SEC14L1: variants seen among roughly 807,000 people sequenced by gnomAD.
SEC14L1 encodes SEC14-like protein 1.
Under a neutral mutation model 85.3 loss-of-function variants are expected in SEC14L1, and 48 were observed. That is an observed-to-expected ratio of 0.56 (90% CI 0.45 to 0.72). SEC14L1 has a LOEUF of 0.72. SEC14L1 is among the 30% of genes least tolerant of loss of function. SEC14L1 has a pLI of 0.00. For missense variants in SEC14L1, 682 were observed against 921.4 expected (o/e 0.74, Z 3.36); for synonymous variants, 391 against 355.5 (o/e 1.10, Z -1.12).
intron 3 of SEC14L1, among the ~76,000 whole-genome samples, chr17:77,161,602 C>T (rs1242667759): frequency 6.6e-6 from 1 of 151,508 alleles, no homozygotes; most frequent in Non-Finnish European, 1.5e-5. Flanking sequence ...ACACGTTTCT[C>T]TTTTAAAAGG....
chr17:77,192,195 G>A (rs534940245), intron 5 of SEC14L1, among the ~76,000 whole-genome samples: 26 of 152,290 alleles, frequency 1.7e-4, no homozygotes, highest in African/African-American at 3.6e-4. Flanking sequence ...GAATAGTGCC[G>A]AGAGTGTTTG....
chr17:77,204,740 T>G (rs1344725704), intron 10 of SEC14L1, among the ~76,000 whole-genome samples: 1 of 151,980 alleles, frequency 6.6e-6, no homozygotes, highest in African/African-American at 2.4e-5. Flanking sequence ...CCCTTGTGTA[T>G]TGTGTTAGTC....
At chr17:77,171,889 C>G (rs1567908185) in intron 3 of SEC14L1, among the ~76,000 whole-genome samples, 1 of 152,034 alleles carries the variant, frequency 6.6e-6, no homozygotes, top group East Asian at 1.9e-4. Flanking sequence ...TATCCTTTAT[C>G]TAGGGTAGTG....
rs1455407654 is a variant in SEC14L1, at chr17:77,130,378, G to A, written c.-135-12268G>A. Among the ~76,000 whole-genome samples, 5 of 150,834 alleles carry A rather than the reference G, an allele frequency of 3.3e-5. No homozygotes were observed. In the East Asian group the frequency reaches 5.9e-4, roughly 18 times the overall value. ...GTCACCCAGGCTGGAGTGCAGTGGC[G>A]CTGTCTCGGCTCACTGCAACCTCCA... On this transcript the variant is annotated intron_variant, in intron 3 of 19. Coordinates refer to the SEC14L1 transcript ENST00000392476.
rs1214161202 is a variant in SEC14L1 at position 77,205,260 on chromosome 17, G to A, written c.1099-16G>A. 5 of 1,611,096 alleles carry A rather than the reference G, an allele frequency of 3.1e-6. No individual in the cohort carries two copies. The highest frequency in any genetic ancestry group is 2.2e-5 in the East Asian group (1 of 44,868). ...TAAACTAATCATGGTAAATTTTCAT[G>A]CCCTTTTGTATGTAGGTTCTCTCCA... is the stretch of plus-strand genomic sequence containing the variant. On this transcript the variant is annotated splice_polypyrimidine_tract_variant and intron_variant, in intron 10 of 16. Transcript: ENST00000436233.
In SEC14L1 at chr17:77,206,470, G is replaced by C; in HGVS notation, c.1341+70G>C. ...GCAGATAACATGCATTCATATACAC[G>C]TGTCTGTGACCTAAAGTCTTAACTT... On this transcript the variant is annotated intron_variant, in intron 12 of 16. Transcript: ENST00000436233. The surrounding 1 kb of genome is among the most constrained non-coding windows in gnomAD (Gnocchi z 4.3). The C allele has an allele frequency of 1.3e-6, 2 of 1,502,054 alleles. No homozygotes were observed. Among genetic ancestry groups the C allele is most frequent in the Non-Finnish European group, 1.8e-6 (2 of 1,100,484 alleles). 93.0% of individuals were successfully genotyped at this position (1,502,054 alleles called of 1,614,324 possible).
intron 3 of SEC14L1, chr17:77,185,451 T>C (rs1975224322): frequency 3.2e-6 from 3 of 930,436 alleles, no homozygotes; most frequent in Non-Finnish European, 2.6e-6. Context: ...GGGAACGTTT[T>C]TAGTGTGGTT....
At chr17:77,135,389 C>G (rs1019572044) in intron 3 of SEC14L1, among the ~76,000 whole-genome samples, 1 of 152,356 alleles carries the variant, frequency 6.6e-6, no homozygotes, top group Middle Eastern at 3.4e-3. Context: ...TTCCTCAACT[C>G]CCCAGAGACT....
chr17:77,113,690 G>A (rs1156971740), intron 3 of SEC14L1, among the ~76,000 whole-genome samples: 1 of 152,170 alleles, frequency 6.6e-6, no homozygotes, highest in East Asian at 1.9e-4. Flanking sequence ...AGGTTGCTAT[G>A]AGCCGAAATT....
chr17:77,196,105 A>C, intron 7 of SEC14L1, 97 bp from the exon 8 acceptor site: 3 of 880,754 alleles, frequency 3.4e-6, no homozygotes. Context: ...TGCCTCTAGG[A>C]CTCTAGGACC....
At chr17:77,121,519 C>T (rs543366653) in intron 3 of SEC14L1, among the ~76,000 whole-genome samples, 10 of 152,104 alleles carry the variant, frequency 6.6e-5, no homozygotes, top group Non-Finnish European at 1.2e-4. Context: ...CCACCATGCC[C>T]GGCTAATTTT....
intron 3 of SEC14L1, among the ~76,000 whole-genome samples, chr17:77,129,157 A>C (rs534004130): frequency 1.1e-4 from 16 of 152,340 alleles, no homozygotes; most frequent in Admixed American, 9.8e-4. Flanking sequence ...GCAAAGCTGT[A>C]GGATGCCTGG....
intron 3 of SEC14L1, among the ~76,000 whole-genome samples, chr17:77,155,070 C>T (rs1475404008): frequency 6.6e-6 from 1 of 152,186 alleles, no homozygotes; most frequent in Non-Finnish European, 1.5e-5. Flanking sequence ...GCATAGCTAT[C>T]TGGCTCTCTT....
intron 3 of SEC14L1, among the ~76,000 whole-genome samples, chr17:77,149,052 C>T (rs1336801123): frequency 6.6e-6 from 1 of 152,218 alleles, no homozygotes; most frequent in South Asian, 2.1e-4. Flanking sequence ...TGCCATTCCC[C>T]ATCTGTCTCT....
At chr17:77,141,319 G>C (rs1382350880) in intron 1 of SEC14L1, 1 of 43,802 alleles carries the variant, frequency 2.3e-5, no homozygotes, top group Admixed American at 2.7e-4. Flanking sequence ...CTCGCCCCTC[G>C]CCGCCCCTCG....
Position 77,206,704 on chromosome 17 carries a change from T to C in SEC14L1, c.1342-24T>C. The C allele has an allele frequency of 1.3e-6, 2 of 1,577,722 alleles. No homozygotes were observed. The highest frequency in any genetic ancestry group is 2.2e-5 in the East Asian group (1 of 44,566). On this transcript the variant is annotated intron_variant, in intron 12 of 16. Transcript: ENST00000436233. This position sits in a 1 kb window ranked among gnomAD's most constrained non-coding sequence, Gnocchi z 4.3. The stretch of plus-strand genomic sequence containing the variant: ...CACTCAGGCAGCAGAGAAATATGAC[T>C]GCATGGTCTTCTCCTCCTCACAGGT...
chr17:77,186,085 C>T (rs1975252334), intron 3 of SEC14L1, among the ~76,000 whole-genome samples: 1 of 152,200 alleles, frequency 6.6e-6, no homozygotes, highest in South Asian at 2.1e-4. Context: ...CCAGACCATC[C>T]TGCGCATGAG....
chr17:77,164,001 A>G (rs967389844), intron 3 of SEC14L1, among the ~76,000 whole-genome samples: 1 of 152,226 alleles, frequency 6.6e-6, no homozygotes, highest in African/African-American at 2.4e-5. Context: ...ATACTTAAAG[A>G]ACATATAACA....
chr17:77,208,999 T>A (rs1976604501), intron 13 of SEC14L1, among the ~76,000 whole-genome samples: 1 of 152,106 alleles, frequency 6.6e-6, no homozygotes, highest in Non-Finnish European at 1.5e-5. Context: ...ACTCTTTTCT[T>A]AAAGTAATAC....
Sources: allele counts gnomAD v4.1 joint callset (sites outside exome capture counted in the v4.1 genomes callset), GRCh38; gene constraint gnomAD v4.1.1; non-coding constraint Gnocchi (gnomAD v3.1); transcripts MANE v1.5; gene names NCBI Gene and HGNC (gene_info 2026-07-23, HGNC 2026-07-21).